Variants in XRRA1 observed in about 807,000 individuals in gnomAD.
The protein encoded by XRRA1 is X-ray radiation resistance associated 1, also known as X-ray radiation resistance-associated protein 1.
A neutral mutation model predicts 80.2 loss-of-function variants in XRRA1; 69 were observed. That is an observed-to-expected ratio of 0.86 (90% confidence interval 0.71 to 1.05). XRRA1 has a LOEUF of 1.05. XRRA1 is among the 50% of genes least tolerant of loss of function. The pLI, the probability that XRRA1 is intolerant of heterozygous loss-of-function variation, is 0.00. For missense variants in XRRA1, 967 were observed against 976.4 expected, an observed-to-expected ratio of 0.99 and a Z score of 0.13; for synonymous variants, 348 against 389.9, an observed-to-expected ratio of 0.89 and a Z score of 1.27.
chr11:74,851,424 T>C (rs74800760), intron 13 of XRRA1, among the ~76,000 whole-genome samples: 3,212 of 152,174 alleles, frequency 0.021, 109 homozygotes, highest in African/African-American at 0.073. Flanking sequence ...GGCTAAGGAA[T>C]TTGTCCAAGA....
rs746155432 is a variant in XRRA1 at position 74,843,365 on chromosome 11, T to C, written c.2238A>G (p.Ala746=). 2 of 1,611,980 alleles carry C rather than the reference T, an allele frequency of 1.2e-6. No homozygotes were observed. The highest frequency in any genetic ancestry group is 1.1e-5 in the South Asian group (1 of 90,568). The change falls in exon 19 of 19, where the codon GCA becomes GCG. Residue 746 remains alanine (A), a synonymous_variant. Coordinates refer to ENST00000684022, the MANE Select transcript of XRRA1 (RefSeq NM_001378157.1). ...EAKRLLKEFQ[A]RYRQLVSGSL... ...AGCCACTCACCAGCTGCCGGTAACG[T>C]GCCTGGAACTCCTTCAACAGCCTCT...
At chr11:74,926,556 G>C (rs931535371) in intron 7 of XRRA1, among the ~76,000 whole-genome samples, 4 of 152,132 alleles carry the variant, frequency 2.6e-5, no homozygotes, top group Non-Finnish European at 5.9e-5. Flanking sequence ...CACACACGTG[G>C]CTCCACCTCT....
intron 16 of XRRA1, 56 bp downstream of exon 16, chr11:74,845,017 G>T: frequency 6.3e-7 from 1 of 1,575,662 alleles, no homozygotes; most frequent in Non-Finnish European, 8.7e-7. Context: ...ACCCTGACTT[G>T]CTCTGAGCTG....
intron 15 of XRRA1, 83 bp from the exon 16 acceptor site, chr11:74,845,354 G>T: frequency 7.0e-7 from 1 of 1,426,934 alleles, no homozygotes; most frequent in Non-Finnish European, 9.6e-7. Flanking sequence ...TCTCTGTGCT[G>T]GTCTCTGCTG....
chr11:74,931,913 T>C lies in XRRA1; in HGVS notation c.352-1541A>G, dbSNP rs1270184903. ...GTCCTATTTCTTTAAATCCTTGCAATTGGCATTATAAAACTAATTTTTGCC... is the reference window on the plus strand; with the variant it reads ...GTCCTATTTCTTTAAATCCTTGCAACTGGCATTATAAAACTAATTTTTGCC... On this transcript the variant is annotated intron_variant, in intron 5 of 18. Transcript: ENST00000684022. 5.3e-5 allele frequency: 8 copies of C among 152,206 alleles called. No homozygotes were observed. The East Asian group carries it at 5.8e-4, about 11-fold the overall frequency. 9.4% of individuals were successfully genotyped at this position (152,206 alleles called of 1,614,324 possible).
chr11:74,875,992 A>G (rs981119140), intron 10 of XRRA1, among the ~76,000 whole-genome samples: 2 of 152,248 alleles, frequency 1.3e-5, no homozygotes, highest in Admixed American at 6.5e-5. Flanking sequence ...AGGACATCCA[A>G]TACATCCTGG....
intron 12 of XRRA1, among the ~76,000 whole-genome samples, chr11:74,853,502 A>G (rs2040391564): frequency 6.6e-6 from 1 of 152,066 alleles, no homozygotes; most frequent in African/African-American, 2.4e-5. Flanking sequence ...CCTTTACCAC[A>G]GTCCCCCTGC....
In XRRA1 at chr11:74,921,231, A is replaced by G. The variant is rs775368167; in HGVS notation, c.639T>C (p.Asn213=). The part of the protein sequence containing the change: ...TGNGLTSLPP[N]LAVAEQEASV... ...GAACTTACTGTTCTGCGACGGCCAA[A>G]TTGGGCGGCAGGGAGGTAAGGCCAT... The change falls in exon 8 of 19, where the codon AAT becomes AAC. Residue 213 remains asparagine (N), a synonymous_variant. Coordinates refer to ENST00000684022, the MANE Select transcript of XRRA1 (RefSeq NM_001378157.1). 22 of 1,613,768 alleles carry G rather than the reference A, an allele frequency of 1.4e-5. No homozygotes were observed. Among genetic ancestry groups the G allele is most frequent in the Non-Finnish European group, 1.8e-5 (21 of 1,179,816 alleles).
chr11:74,874,020 G>A (rs1433612083), intron 10 of XRRA1, among the ~76,000 whole-genome samples: 1 of 151,938 alleles, frequency 6.6e-6, no homozygotes, highest in Non-Finnish European at 1.5e-5. Context: ...GGCGGATCAT[G>A]AAGTCAAGAG....
At chr11:74,938,785 G>A (rs545756956) in intron 3 of XRRA1, among the ~76,000 whole-genome samples, 1 of 152,102 alleles carries the variant, frequency 6.6e-6, no homozygotes, top group Non-Finnish European at 1.5e-5. Flanking sequence ...CCTCCCCAGG[G>A]GTTTCCAGCT....
chr11:74,899,678 T>C (rs1273756340), intron 10 of XRRA1, among the ~76,000 whole-genome samples: 1 of 152,182 alleles, frequency 6.6e-6, no homozygotes, highest in Non-Finnish European at 1.5e-5. Flanking sequence ...ATTCTAGACA[T>C]ATACAATCTA....
At chr11:74,915,904 C>T (rs1487869237) in intron 8 of XRRA1, among the ~76,000 whole-genome samples, 1 of 152,092 alleles carries the variant, frequency 6.6e-6, no homozygotes, top group African/African-American at 2.4e-5. Context: ...TAATTTCTTC[C>T]ATACTTTGGA....
At chr11:74,876,385 T>A (rs1248784181) in intron 10 of XRRA1, 2 of 152,232 alleles carry the variant, frequency 1.3e-5, no homozygotes, top group African/African-American at 4.8e-5. Context: ...TTTTAAATGC[T>A]GTATTAACAG....
At chr11:74,869,939 G>A (rs2044374389) in intron 10 of XRRA1, among the ~76,000 whole-genome samples, 1 of 152,160 alleles carries the variant, frequency 6.6e-6, no homozygotes, top group Non-Finnish European at 1.5e-5. Flanking sequence ...CCTCAGCCAT[G>A]AGACAACAAA....
chr11:74,936,381 T>C (rs924821757), intron 4 of XRRA1, among the ~76,000 whole-genome samples: 5 of 152,214 alleles, frequency 3.3e-5, no homozygotes, highest in African/African-American at 1.2e-4. Flanking sequence ...CCAGTCCCAC[T>C]CAATCCTGTA....
At chr11:74,851,044 C>G in intron 14 of XRRA1, 44 bp downstream of exon 14, 2 of 1,514,668 alleles carry the variant, frequency 1.3e-6, no homozygotes, top group Non-Finnish European at 1.8e-6. Flanking sequence ...TTATAATAGG[C>G]TGCACTCTTC....
intron 2 of XRRA1, among the ~76,000 whole-genome samples, chr11:74,944,446 A>AACATAACAGATGTTATG (rs1423634665): frequency 2.0e-5 from 3 of 151,644 alleles, no homozygotes; most frequent in Non-Finnish European, 2.9e-5. Context: ...CAAAGCACCT[A>AACATAACAGATGTTATG]ACATAACAGA....
chr11:74,928,192 T>A (rs113582472), intron 6 of XRRA1, among the ~76,000 whole-genome samples: 2 of 152,366 alleles, frequency 1.3e-5, no homozygotes, highest in African/African-American at 4.8e-5. Flanking sequence ...AGAACTGAAC[T>A]TTTTCTAGCC....
intron 10 of XRRA1, among the ~76,000 whole-genome samples, chr11:74,892,083 G>A (rs968500999): frequency 1.3e-5 from 2 of 152,106 alleles, no homozygotes; most frequent in Non-Finnish European, 2.9e-5. Flanking sequence ...CCAAAAAAGA[G>A]CCCGCATCGC....
Sources: allele counts gnomAD v4.1 joint callset (sites outside exome capture counted in the v4.1 genomes callset), GRCh38; gene constraint gnomAD v4.1.1; transcripts MANE v1.5; gene names NCBI Gene and HGNC (gene_info 2026-07-23, HGNC 2026-07-21).